The following CNTNAP2 variants were observed in gnomAD, a reference collection of about 807,000 sequenced individuals.
The protein encoded by CNTNAP2 is contactin-associated protein-like 2.
CNTNAP2 carries 98 observed loss-of-function variants against 155.2 expected under a neutral mutation model. That is an observed-to-expected ratio of 0.63 (90% CI 0.54 to 0.75). CNTNAP2 has a LOEUF of 0.75. Ranked by LOEUF, CNTNAP2 falls within the 30% of genes least tolerant of loss-of-function variation. The pLI is 0.00. For missense variants in CNTNAP2, 1,727 were observed against 1,688.1 expected, an observed-to-expected ratio of 1.02 and a Z score of -0.40; for synonymous variants, 651 against 631.2, an observed-to-expected ratio of 1.03 and a Z score of -0.47.
chr7:147,037,571 C>A (rs957977756), intron 3 of CNTNAP2, among the ~76,000 whole-genome samples: 1 of 150,832 alleles, frequency 6.6e-6, no homozygotes, highest in Non-Finnish European at 1.5e-5. Context: ...AAGTGATTCT[C>A]CTGCCTCAGC....
At chr7:146,327,801 T>C (rs1479444698) in intron 1 of CNTNAP2, among the ~76,000 whole-genome samples, 1 of 152,188 alleles carries the variant, frequency 6.6e-6, no homozygotes, top group East Asian at 1.9e-4. Flanking sequence ...CTTTATTCCA[T>C]GAAATAAATT....
intron 2 of CNTNAP2, among the ~76,000 whole-genome samples, chr7:146,791,795 C>T (rs534718266): frequency 6.6e-6 from 1 of 152,292 alleles, no homozygotes; most frequent in African/African-American, 2.4e-5. Context: ...CGTTAATCAG[C>T]TTCTGGAATG....
At chr7:146,952,359 A>C (rs2129228224) in intron 3 of CNTNAP2, among the ~76,000 whole-genome samples, 1 of 152,314 alleles carries the variant, frequency 6.6e-6, no homozygotes, top group Non-Finnish European at 1.5e-5. Context: ...TTCCATTTGA[A>C]AACTGGCACA....
At chr7:146,762,872 G>C (rs1802127579) in intron 1 of CNTNAP2, among the ~76,000 whole-genome samples, 1 of 152,112 alleles carries the variant, frequency 6.6e-6, no homozygotes, top group East Asian at 1.9e-4. Context: ...CATAAGAACA[G>C]CACAGGAAAG....
At chr7:146,305,924 C>G (rs1800702818) in intron 1 of CNTNAP2, among the ~76,000 whole-genome samples, 1 of 151,922 alleles carries the variant, frequency 6.6e-6, no homozygotes, top group Non-Finnish European at 1.5e-5. Flanking sequence ...GATAGAGACA[C>G]AAAATACCCT....
At chr7:146,959,081 G>C (rs1164083529) in intron 3 of CNTNAP2, among the ~76,000 whole-genome samples, 1 of 151,508 alleles carries the variant, frequency 6.6e-6, no homozygotes, top group African/African-American at 2.4e-5. Context: ...GTGCAGTGGC[G>C]CCATCTCGGC....
intron 11 of CNTNAP2, among the ~76,000 whole-genome samples, chr7:147,543,238 G>T (rs1799670386): frequency 6.6e-6 from 1 of 152,216 alleles, no homozygotes; most frequent in African/African-American, 2.4e-5. Context: ...GTTAACTGCA[G>T]CAGGAACTTA....
chr7:148,347,952 CT>C lies in CNTNAP2; in HGVS notation c.3476-35688del, dbSNP rs1020646444. Reference sequence around the variant, plus strand: ...TCAATTCAAACTCATCCCCAACTTTCTTTTTTTTTCTACCTTACTCAGTGCG... The same window carrying C: ...TCAATTCAAACTCATCCCCAACTTTCTTTTTTTTCTACCTTACTCAGTGCG... On this transcript the variant is annotated intron_variant, in intron 21 of 23. Transcript: ENST00000361727. Among the ~76,000 whole-genome samples, 9 of 151,848 alleles carry C rather than the reference CT, an allele frequency of 5.9e-5. No individual in the cohort carries two copies. In the East Asian group the frequency reaches 1.5e-3, roughly 26 times the overall value.
At chr7:147,513,734 C>A (rs1799061446) in intron 11 of CNTNAP2, among the ~76,000 whole-genome samples, 1 of 152,232 alleles carries the variant, frequency 6.6e-6, no homozygotes, top group Non-Finnish European at 1.5e-5. Flanking sequence ...ACATAGCCTG[C>A]CCTCAGGTTC....
Position 148,172,281 on chromosome 7 carries a change from G to C in CNTNAP2, c.2813G>C (p.Arg938Pro). 1 of 1,614,070 alleles carries C rather than the reference G, an allele frequency of 6.2e-7. No homozygotes were observed. The highest frequency in any genetic ancestry group is 8.5e-7 in the Non-Finnish European group (1 of 1,180,016). The change falls in exon 18 of 24, where the codon CGC (arginine) becomes CCC (proline). Residue 938 changes from arginine to proline, a missense_variant. Coordinates refer to ENST00000361727, the MANE Select transcript of CNTNAP2 (RefSeq NM_014141.6). Reference sequence around the variant, plus strand: ...CAGCAGGGCTTCCTGGGCTGCATCCGCTCCTTGAGGATGAATGGGGTGACA... The same window carrying C: ...CAGCAGGGCTTCCTGGGCTGCATCCCCTCCTTGAGGATGAATGGGGTGACA... ...GGQQGFLGCI[R>P]SLRMNGVTLD... is the part of the protein sequence containing the mutation.
chr7:146,597,118 A>C (rs566906818), intron 1 of CNTNAP2, among the ~76,000 whole-genome samples: 12 of 152,208 alleles, frequency 7.9e-5, no homozygotes, highest in East Asian at 1.9e-4. Context: ...ATTCTTATTA[A>C]GGAGTTTATG....
intron 4 of CNTNAP2, 71 bp downstream of exon 4, chr7:147,044,125 A>G (rs1053307930): frequency 5.4e-5 from 83 of 1,543,286 alleles, no homozygotes; most frequent in Non-Finnish European, 7.4e-5. Flanking sequence ...TTTATTTTAA[A>G]TTATTTAACA....
chr7:147,303,127 G>T (rs1165560539), intron 9 of CNTNAP2, among the ~76,000 whole-genome samples: 1 of 152,224 alleles, frequency 6.6e-6, no homozygotes, highest in African/African-American at 2.4e-5. Flanking sequence ...GGCCTCGCCA[G>T]AATCTTTTAC....
At chr7:146,685,727 G>GA (rs11384116) in intron 1 of CNTNAP2, among the ~76,000 whole-genome samples, 16,897 of 149,140 alleles carry the variant, frequency 0.11, 1,414 homozygotes, top group African/African-American at 0.24. Context: ...AGGTGAATTA[G>GA]AAAAAAAAAA....
intron 9 of CNTNAP2, among the ~76,000 whole-genome samples, chr7:147,344,522 G>A (rs1055075784): frequency 1.5e-4 from 23 of 152,132 alleles, no homozygotes; most frequent in African/African-American, 5.6e-4. Context: ...AGCTTGTGTG[G>A]CACAAGGAAT....
At chr7:147,344,640 A>ATTAT (rs1408222744) in intron 9 of CNTNAP2, among the ~76,000 whole-genome samples, 2 of 152,196 alleles carry the variant, frequency 1.3e-5, no homozygotes, top group Non-Finnish European at 2.9e-5. Flanking sequence ...ATACTTCAGC[A>ATTAT]TTATGCAAAT....
chr7:148,258,536 G>A (rs1206873257), intron 20 of CNTNAP2, among the ~76,000 whole-genome samples: 1 of 152,140 alleles, frequency 6.6e-6, no homozygotes, highest in African/African-American at 2.4e-5. Context: ...TGGAGATTCC[G>A]ATGGGGAGAA....
chr7:146,451,849 C>CTT (rs1459744411), intron 1 of CNTNAP2, among the ~76,000 whole-genome samples: 2 of 111,766 alleles, frequency 1.8e-5, no homozygotes, highest in African/African-American at 1.4e-4. Flanking sequence ...TATATATACA[C>CTT]GTATTCTATA....
At chr7:147,481,717 C>T (rs558447034) in intron 10 of CNTNAP2, among the ~76,000 whole-genome samples, 1 of 152,178 alleles carries the variant, frequency 6.6e-6, no homozygotes, top group South Asian at 2.1e-4. Flanking sequence ...TGCATCACTT[C>T]TTCTGGAGTC....
Sources: gnomAD v4.1 joint callset for allele counts (sites outside exome capture counted in the v4.1 genomes callset) on GRCh38, gnomAD v4.1.1 for gene constraint, MANE v1.5 for transcripts, NCBI Gene and HGNC (gene_info 2026-07-23, HGNC 2026-07-21) for gene names.